Variants in KIAA0319L observed in about 807,000 individuals in gnomAD.
KIAA0319L encodes dyslexia-associated protein KIAA0319-like protein.
In KIAA0319L, 55 loss-of-function variants were observed where a neutral mutation model predicts 120.1. The ratio of observed to expected loss-of-function variants is 0.46; its 90% confidence interval spans 0.37 to 0.57. KIAA0319L has a LOEUF of 0.57. KIAA0319L is among the 20% of genes least tolerant of loss of function. KIAA0319L has a pLI of 0.00. For synonymous variants in KIAA0319L, 398 were observed against 471.9 expected (o/e 0.84, Z 2.03); for missense variants, 1,049 against 1,255.3 (o/e 0.84, Z 2.48).
At chr1:35,477,529 T>C (rs1480241115) in intron 4 of KIAA0319L, among the ~76,000 whole-genome samples, 1 of 151,464 alleles carries the variant, frequency 6.6e-6, no homozygotes, top group South Asian at 2.1e-4. Context: ...TAGCTGGGCG[T>C]GGTGGTGGGC....
chr1:35,472,560 G>A (rs1341171374), intron 5 of KIAA0319L, among the ~76,000 whole-genome samples: 1 of 152,092 alleles, frequency 6.6e-6, no homozygotes, highest in African/African-American at 2.4e-5. Context: ...CTCCCAAAGT[G>A]CTAGGATTAC....
At chr1:35,473,464 A>G (rs1643764768) in intron 5 of KIAA0319L, among the ~76,000 whole-genome samples, 3 of 152,166 alleles carry the variant, frequency 2.0e-5, no homozygotes. Flanking sequence ...AACCCACAGA[A>G]AGGTACATGC....
At chr1:35,459,563 C>A (rs1225506585) in intron 9 of KIAA0319L, among the ~76,000 whole-genome samples, 4 of 151,768 alleles carry the variant, frequency 2.6e-5, no homozygotes, top group African/African-American at 4.8e-5. Flanking sequence ...CGCCACTGCA[C>A]CCCAGCCTGG....
At chr1:35,489,567 AC>A (rs1176795425) in intron 3 of KIAA0319L, among the ~76,000 whole-genome samples, 1 of 151,866 alleles carries the variant, frequency 6.6e-6, no homozygotes, top group Admixed American at 6.6e-5. Flanking sequence ...TTTGAAGGAG[AC>A]CCCCTTAAGT....
chr1:35,450,543 A>T, intron 13 of KIAA0319L, 34 bp from the exon 14 acceptor site: 1 of 1,571,290 alleles, frequency 6.4e-7, no homozygotes, highest in Admixed American at 1.7e-5. Context: ...ATAATGTGAC[A>T]TTCTGGAAAA....
chr1:35,484,787 TATATATA>T (rs1644304420), intron 3 of KIAA0319L, among the ~76,000 whole-genome samples: 1 of 66,478 alleles, frequency 1.5e-5, no homozygotes. Flanking sequence ...TATATATATA[TATATATA>T]TATATATATA....
In KIAA0319L at chr1:35,444,877, T is replaced by C. The variant is rs371667872; in HGVS notation, c.2514-574A>G. On this transcript the variant is annotated intron_variant, in intron 16 of 20. Transcript: ENST00000325722. ...CTGTAGTATGGCTGCTATGAACTTA[T>C]ATTACTCCATGCCCAGAATCTGTTT... Among the ~76,000 whole-genome samples the C allele has an allele frequency of 3.9e-5, 6 of 152,346 alleles. No individual in the cohort carries two copies. In the South Asian group the frequency reaches 1.0e-3, roughly 26 times the overall value.
chr1:35,507,370 T>C (rs1345335475), intron 2 of KIAA0319L, among the ~76,000 whole-genome samples: 3 of 151,998 alleles, frequency 2.0e-5, no homozygotes, highest in Non-Finnish European at 4.4e-5. Context: ...TCTCAATGAG[T>C]TCCTGCCATG....
At chr1:35,474,416 T>C (rs1643825212) in intron 5 of KIAA0319L, among the ~76,000 whole-genome samples, 1 of 152,242 alleles carries the variant, frequency 6.6e-6, no homozygotes, top group African/African-American at 2.4e-5. Flanking sequence ...GCCTAGCATA[T>C]AGCTGATGCT....
chr1:35,460,550 G>A (rs1373708304), intron 8 of KIAA0319L, 113 bp from the exon 9 acceptor site: 5 of 869,110 alleles, frequency 5.8e-6, no homozygotes, highest in Non-Finnish European at 8.9e-6. Flanking sequence ...AAAACTTCAT[G>A]AAATTACAGA....
chr1:35,535,497 CCTAA>C (rs1646540342), intron 2 of KIAA0319L, among the ~76,000 whole-genome samples: 1 of 152,142 alleles, frequency 6.6e-6, no homozygotes, highest in Admixed American at 6.5e-5. Flanking sequence ...CCAGTCACTT[CCTAA>C]CTGTGTCATC....
chr1:35,538,590 CA>C (rs757522421), intron 2 of KIAA0319L, among the ~76,000 whole-genome samples: 5,704 of 31,892 alleles, frequency 0.18, 179 homozygotes, highest in East Asian at 0.43. Flanking sequence ...AACTCTGTCT[CA>C]AAAAAAAAAA....
At chr1:35,534,883 A>AAG (rs1646513230) in intron 2 of KIAA0319L, among the ~76,000 whole-genome samples, 12 of 140,708 alleles carry the variant, frequency 8.5e-5, no homozygotes, top group Non-Finnish European at 1.7e-4. Flanking sequence ...AAAAAAAAAA[A>AAG]GAAAGAAAAA....
intron 2 of KIAA0319L, among the ~76,000 whole-genome samples, chr1:35,546,830 C>T (rs1222606418): frequency 6.6e-6 from 1 of 151,802 alleles, no homozygotes; most frequent in East Asian, 1.9e-4. Context: ...CAAGTGTTGG[C>T]AAGGATGTAG....
intron 1 of KIAA0319L, chr1:35,556,457 A>G (rs1238921949): frequency 1.3e-5 from 2 of 152,240 alleles, no homozygotes; most frequent in African/African-American, 4.8e-5. Context: ...AAAGTTACAG[A>G]ACAGACTGCC....
intron 2 of KIAA0319L, among the ~76,000 whole-genome samples, chr1:35,512,789 C>T (rs1173311026): frequency 1.3e-5 from 2 of 150,368 alleles, no homozygotes; most frequent in Non-Finnish European, 1.5e-5. Context: ...GAATCACTTG[C>T]CTCACCCAGG....
chr1:35,516,644 C>T (rs964994994), intron 2 of KIAA0319L, among the ~76,000 whole-genome samples: 25 of 152,148 alleles, frequency 1.6e-4, no homozygotes, highest in African/African-American at 5.6e-4. Flanking sequence ...AAAACCAGCA[C>T]AAGACAAGGA....
At chr1:35,449,476 A>G (rs1490711473) in intron 15 of KIAA0319L, among the ~76,000 whole-genome samples, 1 of 152,230 alleles carries the variant, frequency 6.6e-6, no homozygotes, top group Non-Finnish European at 1.5e-5. Flanking sequence ...GATGCTGATG[A>G]GACATCATGA....
chr1:35,506,638 C>T lies in KIAA0319L; in HGVS notation c.640G>A (p.Gly214Ser), dbSNP rs1645214419. 1.2e-6 allele frequency: 2 copies of T among 1,613,650 alleles called. No individual in the cohort carries two copies. The highest frequency in any genetic ancestry group is 1.7e-6 in the Non-Finnish European group (2 of 1,179,714). Residue 214 changes from glycine (G) to serine (S), a missense_variant, in exon 3 of 21, where the codon GGT becomes AGT. Coordinates refer to ENST00000325722, the MANE Select transcript of KIAA0319L (RefSeq NM_024874.5). The surrounding 1 kb of genome is among the most constrained non-coding windows in gnomAD (Gnocchi z 4.0). ...TCTGCAGAGCCACTGGTAGTCAGACCACCTAATTCGTTGGAGTCATTCACT... is the reference window on the plus strand; with the variant it reads ...TCTGCAGAGCCACTGGTAGTCAGACTACCTAATTCGTTGGAGTCATTCACT... ...SKVNDSNELG[G>S]LTTSGSAEVH...
Sources: allele counts gnomAD v4.1 joint callset (sites outside exome capture counted in the v4.1 genomes callset), GRCh38; gene constraint gnomAD v4.1.1; non-coding constraint Gnocchi (gnomAD v3.1); transcripts MANE v1.5; gene names NCBI Gene and HGNC (gene_info 2026-07-23, HGNC 2026-07-21).